ACCSL: variants seen among roughly 807,000 people sequenced by gnomAD.
The protein encoded by ACCSL is 1-aminocyclopropane-1-carboxylate synthase homolog (inactive) like.
ACCSL carries 55 observed loss-of-function variants against 61.7 expected under a neutral mutation model. That is an observed-to-expected ratio of 0.89 (90% CI 0.72 to 1.12). The LOEUF is 1.12. Ranked by LOEUF, ACCSL falls within the 50% of genes most tolerant of loss-of-function variation. The pLI is 0.00. For missense variants in ACCSL, 632 were observed against 698.0 expected (o/e 0.91, Z 1.07); for synonymous variants, 258 against 264.3 (o/e 0.98, Z 0.23).
At chr11:43,938,413 T>C in the ACCSL span, among the ~76,000 whole-genome samples, 1 of 152,234 alleles carries the variant, frequency 6.6e-6, no homozygotes, top group African/African-American at 2.4e-5. Context: ...GTAGGCTTCA[T>C]CTTTAGTCAG....
At chr11:43,993,841 G>A in the ACCSL span, among the ~76,000 whole-genome samples, 1 of 152,220 alleles carries the variant, frequency 6.6e-6, no homozygotes, top group Non-Finnish European at 1.5e-5. Flanking sequence ...GATTGCTGCA[G>A]CGATTGGGCG....
At chr11:44,025,297 T>C in the ACCSL span, among the ~76,000 whole-genome samples, 12 of 152,270 alleles carry the variant, frequency 7.9e-5, no homozygotes, top group Non-Finnish European at 1.0e-4. Context: ...TATATAATTT[T>C]AACTTGCTTC....
At chr11:43,924,814 C>T in the ACCSL span, among the ~76,000 whole-genome samples, 2 of 152,234 alleles carry the variant, frequency 1.3e-5, no homozygotes, top group African/African-American at 4.8e-5. Flanking sequence ...AAGGCGGATT[C>T]TGCAATCAGG....
the ACCSL span, among the ~76,000 whole-genome samples, chr11:43,936,439 C>T: frequency 2.0e-5 from 3 of 152,138 alleles, no homozygotes; most frequent in African/African-American, 7.2e-5. Context: ...GGGTACTGTG[C>T]TAGGCGCTTT....
the ACCSL span, among the ~76,000 whole-genome samples, chr11:43,959,488 G>A: frequency 1.3e-5 from 2 of 152,346 alleles, no homozygotes; most frequent in African/African-American, 4.8e-5. Flanking sequence ...CCTAACTGAT[G>A]CAAAGCCATT....
At chr11:44,028,678 A>C in the ACCSL span, among the ~76,000 whole-genome samples, 2 of 152,112 alleles carry the variant, frequency 1.3e-5, no homozygotes, top group Non-Finnish European at 2.9e-5. Context: ...CAAATCCTGG[A>C]TTGTGTGATA....
the ACCSL span, among the ~76,000 whole-genome samples, chr11:43,989,565 A>G: frequency 6.6e-6 from 1 of 152,128 alleles, no homozygotes; most frequent in East Asian, 1.9e-4. Flanking sequence ...CCTCACTCCC[A>G]GCCCTTCCCT....
At chr11:43,946,670 A>T in the ACCSL span, among the ~76,000 whole-genome samples, 1 of 152,186 alleles carries the variant, frequency 6.6e-6, no homozygotes, top group Non-Finnish European at 1.5e-5. Context: ...AATTCTATTG[A>T]ATAGATACTC....
the ACCSL span, among the ~76,000 whole-genome samples, chr11:44,009,336 A>G: frequency 6.6e-6 from 1 of 152,210 alleles, no homozygotes; most frequent in South Asian, 2.1e-4. Context: ...CTACCCACAC[A>G]GGAGGGTTCT....
At chr11:43,943,824 G>A in the ACCSL span, 3 of 1,300,608 alleles carry the variant, frequency 2.3e-6, no homozygotes, top group Non-Finnish European at 3.0e-6. This position sits in a 1 kb window ranked among gnomAD's most constrained non-coding sequence, Gnocchi z 4.8. Context: ...CTTTTTACCT[G>A]GATATGTCTG....
the ACCSL span, among the ~76,000 whole-genome samples, chr11:43,929,547 C>T: frequency 2.0e-5 from 3 of 152,150 alleles, no homozygotes; most frequent in African/African-American, 7.2e-5. Context: ...GCTGGGATTA[C>T]AGGCACCTGC....
At chr11:43,924,835 G>A in the ACCSL span, among the ~76,000 whole-genome samples, 4 of 152,362 alleles carry the variant, frequency 2.6e-5, no homozygotes, top group South Asian at 8.3e-4. Flanking sequence ...GCTCCTGCAG[G>A]CCTGGAGAAT....
chr11:44,027,809 C>T, the ACCSL span, among the ~76,000 whole-genome samples: 9 of 152,306 alleles, frequency 5.9e-5, no homozygotes, highest in Admixed American at 4.6e-4. Flanking sequence ...GTACACCAAA[C>T]CCATGACTTT....
chr11:44,051,438 G>A (rs576535869), intron 4 of ACCSL, 34 bp downstream of exon 4: 9 of 1,611,834 alleles, frequency 5.6e-6, no homozygotes, highest in South Asian at 1.1e-5. Context: ...TGCCACCCTG[G>A]TGGAGGGCTA....
the ACCSL span, among the ~76,000 whole-genome samples, chr11:43,963,296 G>A: frequency 7.2e-5 from 11 of 152,150 alleles, no homozygotes; most frequent in African/African-American, 2.4e-4. Flanking sequence ...CCTTTTTCAC[G>A]GCATGAAGCT....
chr11:44,059,914 G>T lies in ACCSL; in HGVS notation c.1701G>T (p.Arg567Ser), dbSNP rs1161883627. 6.2e-7 allele frequency: 1 copy of T among 1,613,600 alleles called. No homozygotes were observed. Among genetic ancestry groups the T allele is most frequent in the Non-Finnish European group, 8.5e-7 (1 of 1,179,656 alleles). Residue 567 changes from arginine (R) to serine (S), a missense_variant, in exon 14 of 14, where the codon AGG becomes AGT. Coordinates refer to ENST00000378832, the MANE Select transcript of ACCSL (RefSeq NM_001031854.2). The part of the protein sequence containing the change: ...LIVKQLEDAM[R>S]E Reference sequence around the variant, plus strand: ...TGAAGCAGTTGGAGGATGCAATGAGGGAGTAGGCCGTCTGCCTCCCAACCA... The same window carrying T: ...TGAAGCAGTTGGAGGATGCAATGAGTGAGTAGGCCGTCTGCCTCCCAACCA...
At chr11:44,029,480 C>T in the ACCSL span, among the ~76,000 whole-genome samples, 1 of 152,198 alleles carries the variant, frequency 6.6e-6, no homozygotes, top group Non-Finnish European at 1.5e-5. Context: ...GTGCCTGGTG[C>T]AGAGTAGGTG....
chr11:44,054,447 C>CTTTTTTTT (rs67313576), intron 8 of ACCSL, among the ~76,000 whole-genome samples: 1 of 138,410 alleles, frequency 7.2e-6, no homozygotes. Context: ...TTCTTTCTTT[C>CTTTTTTTT]TTTTTTTTTT....
chr11:43,967,479 TCAGTTCTTC>T, the ACCSL span, among the ~76,000 whole-genome samples: 5 of 152,070 alleles, frequency 3.3e-5, no homozygotes, highest in South Asian at 8.3e-4. Context: ...ACGCCCGGCC[TCAGTTCTTC>T]CAGTTCTCAC....
Sources: gnomAD v4.1 joint callset for allele counts (sites outside exome capture counted in the v4.1 genomes callset) on GRCh38, gnomAD v4.1.1 for gene constraint, Gnocchi (gnomAD v3.1) non-coding constraint, MANE v1.5 for transcripts, NCBI Gene and HGNC (gene_info 2026-07-23, HGNC 2026-07-21) for gene names.